DENND4C: variants seen among roughly 807,000 people sequenced by gnomAD.
The protein encoded by DENND4C is DENN domain containing 4C, also known as DENN domain-containing protein 4C.
DENND4C carries 108 observed loss-of-function variants against 203.0 expected under a neutral mutation model. The ratio of observed to expected loss-of-function variants is 0.53; its 90% CI spans 0.46 to 0.62. DENND4C has a LOEUF of 0.62. Among genes scored for constraint, DENND4C ranks in the 20% least tolerant of loss-of-function variants. The pLI is 0.00. For synonymous variants in DENND4C, 871 were observed against 792.4 expected, an observed-to-expected ratio of 1.10 and a Z score of -1.67; for missense variants, 2,481 against 2,301.2, an observed-to-expected ratio of 1.08 and a Z score of -1.60.
At chr9:19,331,953 T>A in intron 16 of DENND4C, 25 bp from the exon 17 acceptor site, 1 of 1,582,906 alleles carries the variant, frequency 6.3e-7, no homozygotes, top group Non-Finnish European at 8.6e-7. Flanking sequence ...TTAGTAAATA[T>A]CATAATATTT....
chr9:19,232,988 A>T (rs1267169560), intron 1 of DENND4C, among the ~76,000 whole-genome samples: 1 of 151,988 alleles, frequency 6.6e-6, no homozygotes, highest in Non-Finnish European at 1.5e-5. Context: ...TCAGTTTGAA[A>T]GCTAGGGGAA....
At chr9:19,276,781 A>T in intron 2 of DENND4C, 1 of 187,994 alleles carries the variant, frequency 5.3e-6, no homozygotes, top group Non-Finnish European at 1.1e-5. Context: ...AAGATTATTA[A>T]TTAAACACAA....
chr9:19,341,899 C>T (rs1321633928), intron 21 of DENND4C, among the ~76,000 whole-genome samples: 4 of 151,918 alleles, frequency 2.6e-5, no homozygotes, highest in Non-Finnish European at 4.4e-5. Context: ...CTGAGGTGGG[C>T]GGATCACGTG....
intron 1 of DENND4C, among the ~76,000 whole-genome samples, chr9:19,272,210 G>A (rs776927244): frequency 4.0e-5 from 6 of 151,640 alleles, no homozygotes; most frequent in African/African-American, 7.3e-5. Context: ...ACCTGAGGTC[G>A]AGAGTTTGAG....
intron 1 of DENND4C, among the ~76,000 whole-genome samples, chr9:19,259,665 C>T (rs570931307): frequency 6.6e-6 from 1 of 152,110 alleles, no homozygotes; most frequent in South Asian, 2.1e-4. Flanking sequence ...CCCACCACTC[C>T]TGGCTAATTT....
chr9:19,311,537 G>A (rs1840742948), intron 10 of DENND4C, among the ~76,000 whole-genome samples: 2 of 152,132 alleles, frequency 1.3e-5, no homozygotes, highest in Non-Finnish European at 2.9e-5. Context: ...GTCAGTTTTT[G>A]TAAATATTCT....
chr9:19,245,967 TTA>T (rs1273915027), intron 1 of DENND4C, among the ~76,000 whole-genome samples: 1 of 152,202 alleles, frequency 6.6e-6, no homozygotes, highest in Non-Finnish European at 1.5e-5. Context: ...AATTTTTTTT[TTA>T]TTTTTTCAGT....
chr9:19,363,331 T>C (rs1354548862), intron 30 of DENND4C, among the ~76,000 whole-genome samples: 1 of 151,950 alleles, frequency 6.6e-6, no homozygotes, highest in Non-Finnish European at 1.5e-5. Flanking sequence ...ATGGCCAAGA[T>C]GGTCTTGGTC....
chr9:19,254,947 A>G (rs1298704835), intron 1 of DENND4C, among the ~76,000 whole-genome samples: 1 of 151,948 alleles, frequency 6.6e-6, no homozygotes, highest in Non-Finnish European at 1.5e-5. Context: ...AGCCTGGCCA[A>G]TATGGTGAAA....
chr9:19,304,908 GT>G (rs80168964), intron 9 of DENND4C, among the ~76,000 whole-genome samples: 1,689 of 141,026 alleles, frequency 0.012, 23 homozygotes, highest in African/African-American at 0.035. Flanking sequence ...AAAATAATTA[GT>G]TTTTTTTTTT....
At chr9:19,232,794 T>C (rs1188975046) in intron 1 of DENND4C, among the ~76,000 whole-genome samples, 1 of 152,156 alleles carries the variant, frequency 6.6e-6, no homozygotes, top group Middle Eastern at 3.2e-3. Context: ...TAAAGAAACA[T>C]ATTAAGTATC....
intron 13 of DENND4C, among the ~76,000 whole-genome samples, 160 bp downstream of exon 13, chr9:19,324,667 A>G (rs1238836198): frequency 6.6e-6 from 1 of 152,170 alleles, no homozygotes; most frequent in African/African-American, 2.4e-5. Flanking sequence ...TATGAATAAA[A>G]TTCTTTGTGG....
intron 1 of DENND4C, among the ~76,000 whole-genome samples, chr9:19,240,423 T>C (rs948838863): frequency 7.2e-5 from 11 of 152,106 alleles, no homozygotes; most frequent in African/African-American, 2.7e-4. Context: ...ATCCCAGCAC[T>C]CTGGGAGGCT....
rs537178843 is a variant in DENND4C, at chr9:19,319,359, T to C, written c.1807+2520T>C. On this transcript the variant is annotated intron_variant, in intron 12 of 32. Transcript: ENST00000434457. ...ATACACATATATATATACTTATATA[T>C]ACACACATATATATACACATACATA... 5.8e-3 allele frequency among the ~76,000 whole-genome samples: 807 copies of C among 139,624 alleles called. 13 individuals carry two copies. Among genetic ancestry groups the C allele is most frequent in the African/African-American group, 0.021 (765 of 36,770 alleles). 91.6% of individuals were successfully genotyped at this position (139,624 alleles called of 152,430 possible). A position where few individuals can be genotyped will look rare whatever the true frequency, so the allele number is the denominator to read the frequency against.
chr9:19,332,848 C>A (rs1393446979), intron 17 of DENND4C, among the ~76,000 whole-genome samples: 1 of 149,832 alleles, frequency 6.7e-6, no homozygotes, highest in Non-Finnish European at 1.5e-5. Flanking sequence ...TGAACCCCCA[C>A]CTTGGCCTCC....
At chr9:19,336,924 G>T in intron 20 of DENND4C, 92 bp downstream of exon 20, 1 of 1,233,386 alleles carries the variant, frequency 8.1e-7, no homozygotes, top group Non-Finnish European at 1.1e-6. Context: ...GAGTTTGTGT[G>T]ATATGACTAC....
chr9:19,373,166 C>A lies in DENND4C; in HGVS notation c.*993C>A, dbSNP rs527656271. 1 of 151,970 alleles carries A rather than the reference C, an allele frequency of 6.6e-6. No homozygotes were observed. The highest frequency in any genetic ancestry group is 1.5e-5 in the Non-Finnish European group (1 of 68,022). The allele number at this position is 151,970 out of a possible 1,614,324, so 9.4% of individuals were successfully genotyped here. A position where few individuals can be genotyped will look rare whatever the true frequency, so the allele number is the denominator to read the frequency against. ...TTTTGCCACTATTAATGGCAAAAACCGCAATTATTTTTGTACCAACATAAT... is the reference window on the plus strand; with the variant it reads ...TTTTGCCACTATTAATGGCAAAAACAGCAATTATTTTTGTACCAACATAAT... On this transcript the variant is annotated 3_prime_UTR_variant, in exon 33 of 33. Transcript: ENST00000434457.
intron 1 of DENND4C, among the ~76,000 whole-genome samples, chr9:19,271,641 G>A (rs1038312150): frequency 3.9e-5 from 6 of 151,942 alleles, no homozygotes; most frequent in Non-Finnish European, 7.4e-5. Flanking sequence ...TGAGGCGGGC[G>A]GATCACCTGA....
intron 1 of DENND4C, among the ~76,000 whole-genome samples, chr9:19,271,885 A>G (rs1285460779): frequency 1.3e-5 from 2 of 151,576 alleles, no homozygotes; most frequent in African/African-American, 2.4e-5. Flanking sequence ...AAAAAAAAAA[A>G]AGAGAAAAGA....
Sources: allele counts gnomAD v4.1 joint callset (sites outside exome capture counted in the v4.1 genomes callset), GRCh38; gene constraint gnomAD v4.1.1; transcripts MANE v1.5; gene names NCBI Gene and HGNC (gene_info 2026-07-23, HGNC 2026-07-21).